Variants in SNX1 observed in about 807,000 individuals in gnomAD.
The protein encoded by SNX1 is sorting nexin-1.
SNX1 carries 36 observed loss-of-function variants against 71.8 expected under a neutral mutation model. The ratio of observed to expected loss-of-function variants is 0.50; its 90% confidence interval spans 0.38 to 0.66. SNX1 has a LOEUF of 0.66. Ranked by LOEUF, SNX1 falls within the 30% of genes least tolerant of loss-of-function variation. The probability of loss-of-function intolerance (pLI) is 0.00; values close to 1 mark genes in which losing one functional copy is unlikely to be tolerated. For synonymous variants in SNX1, 254 were observed against 240.7 expected (o/e 1.06, Z -0.51); for missense variants, 612 against 646.7 (o/e 0.95, Z 0.58).
At chr15:64,104,607 G>A (rs1037432690) in intron 1 of SNX1, among the ~76,000 whole-genome samples, 14 of 151,718 alleles carry the variant, frequency 9.2e-5, no homozygotes, top group East Asian at 2.0e-4. Context: ...CTAATAGGCC[G>A]GGCACTGTGG....
At chr15:64,121,701 A>G (rs575478693) in intron 4 of SNX1, among the ~76,000 whole-genome samples, 54 of 152,374 alleles carry the variant, frequency 3.5e-4, no homozygotes, top group African/African-American at 1.3e-3. Context: ...CATGGATCAG[A>G]TGCATTTAAA....
Position 64,143,098 on chromosome 15 carries a change from T to C in SNX1, c.*5480T>C, listed in dbSNP as rs2081431042. 5.8e-6 allele frequency: 1 copy of C among 172,986 alleles called. No homozygotes were observed. Among genetic ancestry groups the C allele is most frequent in the African/African-American group, 2.4e-5 (1 of 41,738 alleles). 10.7% of individuals were successfully genotyped at this position (172,986 alleles called of 1,614,324 possible). A position where few individuals can be genotyped will look rare whatever the true frequency, so the allele number is the denominator to read the frequency against. On this transcript the variant is annotated 3_prime_UTR_variant, in exon 15 of 15. Coordinates refer to ENST00000559844, the MANE Select transcript of SNX1 (RefSeq NM_003099.5). ...GTGGTGGGATTTTCCCCACCAGTAC[T>C]TGGCAGCCTAGGGGGAAGGGGAGGG...
In SNX1 at chr15:64,138,108, T is replaced by G; in HGVS notation, c.*490T>G. The G allele has an allele frequency of 6.5e-7, 1 of 1,535,804 alleles. No individual in the cohort carries two copies. The highest frequency in any genetic ancestry group is 1.2e-5 in the South Asian group (1 of 84,030). On this transcript the variant is annotated 3_prime_UTR_variant, in exon 15 of 15. Transcript: ENST00000559844. ...CAAGAAGTTGCCCAGGTATAGTAAGTTTTTCTCTACCGTTCACAAGTTTTG... is the reference window on the plus strand; with the variant it reads ...CAAGAAGTTGCCCAGGTATAGTAAGGTTTTCTCTACCGTTCACAAGTTTTG...
intron 5 of SNX1, among the ~76,000 whole-genome samples, chr15:64,124,792 A>G (rs1208658099): frequency 6.6e-6 from 1 of 152,196 alleles, no homozygotes; most frequent in Non-Finnish European, 1.5e-5. Flanking sequence ...GACACAAGGA[A>G]TACAAACTGT....
At chr15:64,135,864 G>A (rs1315476577) in intron 12 of SNX1, among the ~76,000 whole-genome samples, 2 of 152,070 alleles carry the variant, frequency 1.3e-5, no homozygotes, top group African/African-American at 2.4e-5. Context: ...AGAGGTTGCA[G>A]TGAGCCAAGA....
Position 64,126,930 on chromosome 15 carries a change from G to A in SNX1, c.653-244G>A, listed in dbSNP as rs370706105. Among the ~76,000 whole-genome samples the A allele has an allele frequency of 9.9e-5, 15 of 152,102 alleles. No homozygotes were observed. The East Asian group carries it at 1.4e-3, about 14-fold the overall frequency. On this transcript the variant is annotated intron_variant, in intron 6 of 14. Transcript: ENST00000559844. ...TGTTTGTACTCAGGGTTCCATGGCCGCCTTTTTAAGAAAATGTTTACTCTG... is the reference window on the plus strand; with the variant it reads ...TGTTTGTACTCAGGGTTCCATGGCCACCTTTTTAAGAAAATGTTTACTCTG...
intron 1 of SNX1, among the ~76,000 whole-genome samples, chr15:64,106,266 A>T (rs56270352): frequency 0.04 from 6,163 of 152,272 alleles, 428 homozygotes; most frequent in African/African-American, 0.14. Flanking sequence ...AAGTTCATAG[A>T]TTACCCCCTG....
intron 13 of SNX1, 117 bp from the exon 14 acceptor site, chr15:64,136,743 TC>T (rs1168380880): frequency 5.4e-6 from 4 of 734,536 alleles, no homozygotes; most frequent in Non-Finnish European, 9.3e-6. Flanking sequence ...TTACAGCTGT[TC>T]CACCTGCTGC....
rs960643308 is a variant in SNX1 at position 64,136,366 on chromosome 15, G to A, written c.1402G>A (p.Glu468Lys). 8.1e-6 allele frequency: 13 copies of A among 1,614,096 alleles called. No homozygotes were observed. Among genetic ancestry groups the A allele is most frequent in the East Asian group, 4.5e-5 (2 of 44,882 alleles). Residue 468 changes from glutamate (E) to lysine (K), a missense_variant, in exon 13 of 15, where the codon GAG (glutamate) becomes AAG (lysine). This residue lies in a region of SNX1 where 296 missense variants were observed against 361.9 expected (regional missense o/e 0.82). Coordinates refer to ENST00000559844, the MANE Select transcript of SNX1 (RefSeq NM_003099.5). ...SRVTQYERDF[E>K]RISTVVRKEV... is the part of the protein sequence containing the mutation. Reference sequence around the variant, plus strand: ...GGTGACTCAATATGAAAGGGACTTCGAGAGGATTTCAACAGTGGTCCGAAA... The same window carrying A: ...GGTGACTCAATATGAAAGGGACTTCAAGAGGATTTCAACAGTGGTCCGAAA...
chr15:64,096,352 C>A (rs967104463), intron 1 of SNX1, among the ~76,000 whole-genome samples, 180 bp downstream of exon 1: 6 of 152,204 alleles, frequency 3.9e-5, no homozygotes, highest in African/African-American at 9.6e-5. Context: ...TCCCGGCCCC[C>A]AGGCGGGAAG....
At chr15:64,131,207 C>T (rs1001015794) in intron 10 of SNX1, among the ~76,000 whole-genome samples, 8 of 152,014 alleles carry the variant, frequency 5.3e-5, no homozygotes, top group Admixed American at 3.3e-4. Context: ...TGCTTGAACC[C>T]GGGAGGCGGA....
At chr15:64,099,011 A>G (rs2080930994) in intron 1 of SNX1, among the ~76,000 whole-genome samples, 2 of 152,236 alleles carry the variant, frequency 1.3e-5, no homozygotes, top group African/African-American at 4.8e-5. Flanking sequence ...AGAGCTCGCT[A>G]GTTTAACTGT....
At position 64,137,778 on chromosome 15, in the gene SNX1, T is replaced by G. The variant is rs900877442; in HGVS notation, c.*160T>G. The stretch of plus-strand genomic sequence containing the variant: ...CTGTCCCCAGTTACTCTAACCGTTA[T>G]TTCATTTAGCTTCCATATATATTTT... On this transcript the variant is annotated 3_prime_UTR_variant, in exon 15 of 15. Transcript: ENST00000559844. The G allele has an allele frequency of 6.9e-7, 1 of 1,445,776 alleles. No individual in the cohort carries two copies. The highest frequency in any genetic ancestry group is 1.4e-5 in the African/African-American group (1 of 69,816). The allele number at this position is 1,445,776 out of a possible 1,614,324, so 89.6% of individuals were successfully genotyped here. A position where few individuals can be genotyped will look rare whatever the true frequency, so the allele number is the denominator to read the frequency against.
rs530652772 is a variant in SNX1 at position 64,118,569 on chromosome 15, A to G, written c.400-219A>G. ...ATCTGGCAGTTATTCATTGTCATCA[A>G]AATAAGATTTTAAGGGGATACATGT... On this transcript the variant is annotated intron_variant, in intron 3 of 14. Coordinates refer to ENST00000559844, the MANE Select transcript of SNX1 (RefSeq NM_003099.5). Among the ~76,000 whole-genome samples, 4 of 152,324 alleles carry G rather than the reference A, an allele frequency of 2.6e-5. No individual in the cohort carries two copies. The East Asian group carries it at 5.8e-4, about 22-fold the overall frequency.
Position 64,138,265 on chromosome 15 carries a change from G to A in SNX1, c.*647G>A. On this transcript the variant is annotated 3_prime_UTR_variant, in exon 15 of 15. Coordinates refer to ENST00000559844, the MANE Select transcript of SNX1 (RefSeq NM_003099.5). ...GTTTTAAAAACATCTCTTAAAATAA[G>A]AGGAGCAAAATCTATTAAAACCTAT... 2.2e-6 allele frequency: 3 copies of A among 1,394,512 alleles called. No homozygotes were observed. Among genetic ancestry groups the A allele is most frequent in the Non-Finnish European group, 2.8e-6 (3 of 1,064,574 alleles). The allele number at this position is 1,394,512 out of a possible 1,614,324, so 86.4% of individuals were successfully genotyped here. A position where few individuals can be genotyped will look rare whatever the true frequency, so the allele number is the denominator to read the frequency against.
In SNX1 at chr15:64,143,648, C is replaced by T. The variant is rs1342481374; in HGVS notation, c.*6030C>T. The T allele has an allele frequency of 2.6e-5, 4 of 152,250 alleles. No homozygotes were observed. Among genetic ancestry groups the T allele is most frequent in the African/African-American group, 9.6e-5 (4 of 41,452 alleles). 9.4% of individuals were successfully genotyped at this position (152,250 alleles called of 1,614,324 possible). ...CCGAGGAGGCTGGGTTAATGCTGGG[C>T]TTGGTACCTTAAGCACCCTTTCTCC... On this transcript the variant is annotated 3_prime_UTR_variant, in exon 15 of 15. Coordinates refer to ENST00000559844, the MANE Select transcript of SNX1 (RefSeq NM_003099.5).
At chr15:64,127,322 G>T in intron 7 of SNX1, 70 bp downstream of exon 7, 1 of 1,185,406 alleles carries the variant, frequency 8.4e-7, no homozygotes, top group South Asian at 1.3e-5. Flanking sequence ...GAGTCTAAAT[G>T]ACGAGACAGT....
intron 4 of SNX1, among the ~76,000 whole-genome samples, chr15:64,120,813 G>A (rs773694186): frequency 6.6e-5 from 10 of 152,106 alleles, no homozygotes; most frequent in African/African-American, 1.7e-4. Flanking sequence ...TGCACTCCAC[G>A]TTGGGTAACA....
chr15:64,112,965 A>G (rs1405509659), intron 2 of SNX1, among the ~76,000 whole-genome samples: 1 of 152,206 alleles, frequency 6.6e-6, no homozygotes, highest in East Asian at 1.9e-4. Context: ...ACTAAGTCAC[A>G]GGAGCTCAGA....
Sources: gnomAD v4.1 joint callset for allele counts (sites outside exome capture counted in the v4.1 genomes callset) on GRCh38, gnomAD v4.1.1 for gene constraint, gnomAD v4.1.1 regional missense constraint, MANE v1.5 for transcripts, NCBI Gene and HGNC (gene_info 2026-07-23, HGNC 2026-07-21) for gene names.